EYS: variants seen among roughly 807,000 people sequenced by gnomAD.
EYS encodes the protein EGF-like photoreceptor maintenance factor.
EYS carries 250 observed loss-of-function variants against 282.1 expected under a neutral mutation model. That is an observed-to-expected ratio of 0.89 (90% CI 0.80 to 0.98). The LOEUF is 0.98. Ranked by LOEUF, EYS falls within the 50% of genes least tolerant of loss-of-function variation. The pLI, the probability that EYS is intolerant of heterozygous loss-of-function variation, is 0.00. For missense variants in EYS, 4,016 were observed against 3,709.0 expected (o/e 1.08, Z -2.15); for synonymous variants, 1,355 against 1,282.9 (o/e 1.06, Z -1.20).
chr6:64,120,631 C>A (rs535021260), intron 31 of EYS, among the ~76,000 whole-genome samples: 1 of 152,200 alleles, frequency 6.6e-6, no homozygotes, highest in African/African-American at 2.4e-5. Flanking sequence ...ATTTTCACAT[C>A]TAGAAATCGA....
intron 12 of EYS, among the ~76,000 whole-genome samples, chr6:65,206,095 A>G (rs763904936): frequency 6.6e-6 from 1 of 151,786 alleles, no homozygotes; most frequent in Non-Finnish European, 1.5e-5. Context: ...ACAAAATGAA[A>G]AGTTGTTTAT....
intron 26 of EYS, among the ~76,000 whole-genome samples, chr6:64,448,575 C>A (rs909974396): frequency 6.6e-6 from 1 of 152,196 alleles, no homozygotes; most frequent in Non-Finnish European, 1.5e-5. Context: ...GGGTCCCTGA[C>A]CCCCAAGTAG....
intron 36 of EYS, among the ~76,000 whole-genome samples, chr6:63,821,044 T>G (rs1322030990): frequency 1.3e-5 from 2 of 152,090 alleles, no homozygotes; most frequent in Non-Finnish European, 2.9e-5. Context: ...CAGAAAATTA[T>G]ATTATGAATT....
At chr6:64,008,352 T>A (rs889075767) in intron 33 of EYS, among the ~76,000 whole-genome samples, 3 of 152,226 alleles carry the variant, frequency 2.0e-5, no homozygotes, top group African/African-American at 7.2e-5. Context: ...CTCTTGACTT[T>A]AAGCTTATGG....
chr6:64,262,404 TTATA>T (rs1767618029), intron 30 of EYS, among the ~76,000 whole-genome samples: 1 of 151,758 alleles, frequency 6.6e-6, no homozygotes, highest in African/African-American at 2.4e-5. Flanking sequence ...ATTTTTATAA[TTATA>T]TATGTACTGT....
At chr6:63,742,564 T>C (rs1769102976) in intron 41 of EYS, among the ~76,000 whole-genome samples, 1 of 152,336 alleles carries the variant, frequency 6.6e-6, no homozygotes, top group Admixed American at 6.5e-5. Flanking sequence ...TCACTCATTT[T>C]TTGAGTACAT....
chr6:65,569,837 T>C (rs1027768927), intron 2 of EYS, among the ~76,000 whole-genome samples: 3 of 152,164 alleles, frequency 2.0e-5, no homozygotes, highest in African/African-American at 7.2e-5. Flanking sequence ...TGAGACTAAT[T>C]TGAGTAATAA....
At chr6:65,386,395 T>G (rs1020180669) in intron 7 of EYS, among the ~76,000 whole-genome samples, 3 of 141,112 alleles carry the variant, frequency 2.1e-5, no homozygotes, top group Non-Finnish European at 4.7e-5. Context: ...CTTGTATCCC[T>G]GAACTTTAAA....
rs1767229808 is a variant in EYS at position 65,518,610 on chromosome 6, C to T, written c.-332-22617G>A. Among the ~76,000 whole-genome samples the T allele has an allele frequency of 2.0e-5, 3 of 151,784 alleles. No homozygotes were observed. In the South Asian group the frequency reaches 6.3e-4, roughly 32 times the overall value. ...ATCATCTTAAAATTAGAATATAAAC[C>T]CCATGAGGGCAAAAGTTATTGTCTT... On this transcript the variant is annotated intron_variant, in intron 2 of 42. Coordinates refer to ENST00000503581, the MANE Select transcript of EYS (RefSeq NM_001142800.2).
intron 31 of EYS, among the ~76,000 whole-genome samples, chr6:64,141,556 T>C (rs906777894): frequency 5.9e-5 from 9 of 152,186 alleles, no homozygotes; most frequent in Non-Finnish European, 1.0e-4. Flanking sequence ...GCTTGGAAGA[T>C]CATTAATAGG....
intron 26 of EYS, among the ~76,000 whole-genome samples, chr6:64,477,365 G>A (rs1776305771): frequency 6.6e-6 from 1 of 152,062 alleles, no homozygotes; most frequent in Non-Finnish European, 1.5e-5. Context: ...TCACCTTGTA[G>A]TGTTATTTAT....
At chr6:64,941,325 A>C (rs1316534057) in intron 15 of EYS, among the ~76,000 whole-genome samples, 1 of 152,086 alleles carries the variant, frequency 6.6e-6, no homozygotes, top group Admixed American at 6.6e-5. Context: ...GGTTGCAGTG[A>C]GCCAAGATCA....
intron 26 of EYS, among the ~76,000 whole-genome samples, chr6:64,580,400 G>A (rs1766023139): frequency 6.6e-6 from 1 of 152,086 alleles, no homozygotes; most frequent in African/African-American, 2.4e-5. Context: ...TCTTCCAATA[G>A]GCAGTGGCAT....
chr6:64,926,389 C>T lies in EYS; in HGVS notation c.2382-13646G>A, dbSNP rs143553553. On this transcript the variant is annotated intron_variant, in intron 15 of 42. Coordinates refer to ENST00000503581, the MANE Select transcript of EYS (RefSeq NM_001142800.2). ...AGCTAGGATACAGAATGGCCTCATT[C>T]TATTGATGCCCAGTTCTAGGAGAGC... Among the ~76,000 whole-genome samples, 192 of 152,316 alleles carry T rather than the reference C, an allele frequency of 1.3e-3. 3 individuals are homozygous for T. The Middle Eastern group carries it at 0.02, about 16-fold the overall frequency.
intron 29 of EYS, among the ~76,000 whole-genome samples, chr6:64,374,260 A>G (rs1432657630): frequency 2.0e-5 from 3 of 151,552 alleles, no homozygotes; most frequent in Non-Finnish European, 2.9e-5. Context: ...GAGCAATCTA[A>G]TACGAGGCAC....
intron 29 of EYS, among the ~76,000 whole-genome samples, chr6:64,327,691 G>A (rs1352258995): frequency 6.6e-6 from 1 of 152,108 alleles, no homozygotes; most frequent in South Asian, 2.1e-4. Flanking sequence ...AGGAACCATA[G>A]AAAGAGATTG....
chr6:65,618,171 A>G (rs1179832472), intron 2 of EYS, among the ~76,000 whole-genome samples: 2 of 152,170 alleles, frequency 1.3e-5, no homozygotes, highest in Non-Finnish European at 2.9e-5. Context: ...TCCCACCAAC[A>G]GTGTAAAAGT....
intron 12 of EYS, among the ~76,000 whole-genome samples, chr6:65,120,008 C>T (rs1307656229): frequency 6.6e-6 from 1 of 151,200 alleles, no homozygotes; most frequent in African/African-American, 2.4e-5. Flanking sequence ...AATTAGCCGC[C>T]GGGCGGGGTG....
intron 6 of EYS, among the ~76,000 whole-genome samples, chr6:65,403,707 G>T (rs1766606311): frequency 6.6e-6 from 1 of 151,734 alleles, no homozygotes; most frequent in African/African-American, 2.4e-5. Context: ...ATTAAATAGA[G>T]AATATAAATA....
Sources: allele counts gnomAD v4.1 joint callset (sites outside exome capture counted in the v4.1 genomes callset), GRCh38; gene constraint gnomAD v4.1.1; transcripts MANE v1.5; gene names NCBI Gene and HGNC (gene_info 2026-07-23, HGNC 2026-07-21).